Variants in ADARB2 observed in about 807,000 individuals in gnomAD.
ADARB2 encodes the protein inactive double-stranded RNA-specific editase B2.
Under a neutral mutation model 62.2 loss-of-function variants are expected in ADARB2, and 25 were observed. The ratio of observed to expected loss-of-function variants is 0.40; its 90% CI spans 0.29 to 0.56. The LOEUF is 0.56. Ranked by LOEUF, ADARB2 falls within the 20% of genes least tolerant of loss-of-function variation. The probability of loss-of-function intolerance (pLI) is 0.43; values close to 1 mark genes in which losing one functional copy is unlikely to be tolerated. For missense variants in ADARB2, 1,071 were observed against 1,077.4 expected (o/e 0.99, Z 0.08); for synonymous variants, 572 against 500.8 (o/e 1.14, Z -1.90).
At chr10:1,415,874 C>T (rs1832797396) in intron 1 of ADARB2, among the ~76,000 whole-genome samples, 1 of 152,180 alleles carries the variant, frequency 6.6e-6, no homozygotes, top group Non-Finnish European at 1.5e-5. Flanking sequence ...AGTAGTGTCT[C>T]TCTTCTCTGA....
chr10:1,522,656 T>TAC (rs1316670406), intron 1 of ADARB2, among the ~76,000 whole-genome samples: 1 of 152,212 alleles, frequency 6.6e-6, no homozygotes, highest in Non-Finnish European at 1.5e-5. Flanking sequence ...ATGCCAACCC[T>TAC]ACACATGTCC....
intron 3 of ADARB2, among the ~76,000 whole-genome samples, chr10:1,328,426 G>A (rs930895868): frequency 1.2e-4 from 18 of 152,314 alleles, no homozygotes; most frequent in South Asian, 6.2e-4. Flanking sequence ...TAGACACCAC[G>A]CCAATGTGAT....
intron 4 of ADARB2, among the ~76,000 whole-genome samples, chr10:1,262,610 T>C (rs1380956917): frequency 6.6e-6 from 1 of 152,100 alleles, no homozygotes; most frequent in Non-Finnish European, 1.5e-5. Flanking sequence ...AGAATGGTGA[T>C]CATTAAAAAG....
In ADARB2 at chr10:1,564,311, A is replaced by T. The variant is rs190877701; in HGVS notation, c.100+172740T>A. 6.3e-3 allele frequency among the ~76,000 whole-genome samples: 967 copies of T among 152,374 alleles called. 9 individuals carry two copies. Among genetic ancestry groups the T allele is most frequent in the Non-Finnish European group, 0.01 (687 of 68,036 alleles). ...AGACCTAAAACCATAAAAACCCTAG[A>T]AGAAAACCTAGGCATTACCATTCAG... On this transcript the variant is annotated intron_variant, in intron 1 of 9. Coordinates refer to ENST00000381312, the MANE Select transcript of ADARB2 (RefSeq NM_018702.4).
chr10:1,195,989 G>A (rs951145241), intron 8 of ADARB2, among the ~76,000 whole-genome samples: 1 of 152,122 alleles, frequency 6.6e-6, no homozygotes, highest in Non-Finnish European at 1.5e-5. Flanking sequence ...AGAAGGGAGA[G>A]GAAGCCCGCT....
chr10:1,721,488 C>A (rs182177165), intron 1 of ADARB2, among the ~76,000 whole-genome samples: 1 of 152,206 alleles, frequency 6.6e-6, no homozygotes, highest in East Asian at 1.9e-4. Flanking sequence ...TGTGCATACA[C>A]ATCACAGGGA....
intron 1 of ADARB2, among the ~76,000 whole-genome samples, chr10:1,406,266 G>A (rs1425835373): frequency 6.6e-6 from 1 of 152,196 alleles, no homozygotes; most frequent in African/African-American, 2.4e-5. Flanking sequence ...TTCTGTGTGT[G>A]GGCCCTCCCC....
chr10:1,543,998 C>CAAAAAA (rs779186191), intron 1 of ADARB2, among the ~76,000 whole-genome samples: 1 of 81,984 alleles, frequency 1.2e-5, no homozygotes, highest in Non-Finnish European at 2.6e-5. Flanking sequence ...GGCAGGTGAC[C>CAAAAAA]AAAAAAAAAA....
intron 6 of ADARB2, 37 bp downstream of exon 6, chr10:1,233,657 C>G (rs1405879426): frequency 1.5e-5 from 24 of 1,579,236 alleles, no homozygotes; most frequent in Non-Finnish European, 2.1e-5. Flanking sequence ...GAGCTGGGGG[C>G]TGTTGGCCTA....
intron 1 of ADARB2, among the ~76,000 whole-genome samples, chr10:1,407,219 G>T (rs1190607875): frequency 1.3e-5 from 2 of 152,238 alleles, no homozygotes; most frequent in South Asian, 4.1e-4. Flanking sequence ...TCTCGGGACA[G>T]CACAGGAACA....
chr10:1,465,706 T>G (rs1160143738), intron 1 of ADARB2, among the ~76,000 whole-genome samples: 2 of 152,154 alleles, frequency 1.3e-5, no homozygotes, highest in Non-Finnish European at 2.9e-5. Context: ...AGGCACGTGA[T>G]GTATGGACAA....
intron 1 of ADARB2, among the ~76,000 whole-genome samples, chr10:1,510,110 C>CTCTCTCTT (rs1554767637): frequency 0.026 from 2,741 of 106,182 alleles, 49 homozygotes; most frequent in Middle Eastern, 0.063. Flanking sequence ...CTTTCTTTCT[C>CTCTCTCTT]TCTTTCTTTC....
chr10:1,229,744 G>T (rs1315809118), intron 6 of ADARB2, among the ~76,000 whole-genome samples: 5 of 100,970 alleles, frequency 5.0e-5, no homozygotes, highest in Non-Finnish European at 1.1e-4. Context: ...TTGTTTGTAT[G>T]TGCACGTGAT....
chr10:1,199,943 G>A (rs1554742906), intron 8 of ADARB2, 23 bp downstream of exon 8: 2 of 1,493,316 alleles, frequency 1.3e-6, no homozygotes, highest in African/African-American at 1.4e-5. Context: ...GAGGTGGAGG[G>A]CCCCCGGGAA....
At chr10:1,228,703 T>C (rs1250713335) in intron 6 of ADARB2, among the ~76,000 whole-genome samples, 1 of 152,226 alleles carries the variant, frequency 6.6e-6, no homozygotes, top group Non-Finnish European at 1.5e-5. Context: ...CTGCGGTCTC[T>C]GTCGCGAAAG....
intron 1 of ADARB2, among the ~76,000 whole-genome samples, chr10:1,588,665 C>A (rs547458792): frequency 6.6e-6 from 1 of 152,114 alleles, no homozygotes; most frequent in South Asian, 2.1e-4. Context: ...AAAGTGGGTT[C>A]GACAGCCAGA....
chr10:1,250,618 C>T (rs1190591550), intron 4 of ADARB2, among the ~76,000 whole-genome samples: 3 of 152,160 alleles, frequency 2.0e-5, no homozygotes, highest in Non-Finnish European at 4.4e-5. Context: ...AAAGCTCTCA[C>T]CAGAATCCAC....
chr10:1,265,251 T>A lies in ADARB2; in HGVS notation c.1192+5704A>T, dbSNP rs1243620594. On this transcript the variant is annotated intron_variant, in intron 4 of 9. Coordinates refer to ENST00000381312, the MANE Select transcript of ADARB2 (RefSeq NM_018702.4). ...TCGGGGTTATGTCAATCAAACTGAT[T>A]AGTGTATGTAAAAATGCTGTCAAAA... Among the ~76,000 whole-genome samples, 3 of 152,238 alleles carry A rather than the reference T, an allele frequency of 2.0e-5. No individual in the cohort carries two copies. The East Asian group carries it at 5.8e-4, about 29-fold the overall frequency.
At chr10:1,509,276 G>A (rs1466892050) in intron 1 of ADARB2, among the ~76,000 whole-genome samples, 2 of 152,114 alleles carry the variant, frequency 1.3e-5, no homozygotes, top group South Asian at 2.1e-4. Flanking sequence ...CCTCACTGTC[G>A]GAGATGATAC....
Sources: allele counts gnomAD v4.1 joint callset (sites outside exome capture counted in the v4.1 genomes callset), GRCh38; gene constraint gnomAD v4.1.1; transcripts MANE v1.5; gene names NCBI Gene and HGNC (gene_info 2026-07-23, HGNC 2026-07-21).